Variants in TMEM178B observed in about 807,000 individuals in gnomAD.
The protein encoded by TMEM178B is transmembrane protein 178B.
TMEM178B carries 5 observed loss-of-function variants against 31.0 expected under a neutral mutation model. That is an observed-to-expected ratio of 0.16 (90% CI 0.08 to 0.34). TMEM178B has a LOEUF of 0.34. Among genes scored for constraint, TMEM178B ranks in the 10% least tolerant of loss-of-function variants. The pLI, the probability that TMEM178B is intolerant of heterozygous loss-of-function variation, is 1.00. For synonymous variants in TMEM178B, 164 were observed against 164.0 expected (o/e 1.00, Z 0.00); for missense variants, 275 against 400.3 (o/e 0.69, Z 2.67).
At chr7:141,087,428 GA>G (rs1275588795) in intron 1 of TMEM178B, among the ~76,000 whole-genome samples, 1 of 151,660 alleles carries the variant, frequency 6.6e-6, no homozygotes, top group Non-Finnish European at 1.5e-5. Flanking sequence ...TGCTTGTGGA[GA>G]AAAAAAATCA....
chr7:141,503,837 T>G, the TMEM178B span, among the ~76,000 whole-genome samples: 1 of 152,320 alleles, frequency 6.6e-6, no homozygotes, highest in African/African-American at 2.4e-5. Context: ...GTGGTAAAAT[T>G]ACAGATCTGT....
chr7:141,160,011 A>G (rs1244771082), intron 1 of TMEM178B, among the ~76,000 whole-genome samples: 1 of 146,504 alleles, frequency 6.8e-6, no homozygotes, highest in African/African-American at 2.5e-5. Flanking sequence ...TAATTTTAAT[A>G]TATAATATAT....
chr7:141,397,792 A>G (rs17162202), intron 2 of TMEM178B, among the ~76,000 whole-genome samples: 6,836 of 152,250 alleles, frequency 0.045, 467 homozygotes, highest in African/African-American at 0.15. Flanking sequence ...CCAATTCCTC[A>G]TGTGTAATGA....
intron 2 of TMEM178B, among the ~76,000 whole-genome samples, chr7:141,223,113 A>G (rs1157964856): frequency 6.6e-6 from 1 of 152,184 alleles, no homozygotes. Flanking sequence ...TCCGTTTGCT[A>G]TGATCAGATC....
chr7:141,360,370 G>A (rs1799896832), intron 2 of TMEM178B, among the ~76,000 whole-genome samples: 1 of 152,228 alleles, frequency 6.6e-6, no homozygotes, highest in Admixed American at 6.5e-5. Flanking sequence ...TGCATCAAAG[G>A]ATATTTGTAG....
intron 2 of TMEM178B, among the ~76,000 whole-genome samples, chr7:141,324,144 G>A (rs1233635106): frequency 6.6e-6 from 1 of 152,068 alleles, no homozygotes; most frequent in East Asian, 1.9e-4. Context: ...TAGGCCCTTG[G>A]CTTTTGGAAG....
intron 1 of TMEM178B, among the ~76,000 whole-genome samples, chr7:141,137,710 T>C (rs1183518608): frequency 1.3e-5 from 2 of 152,174 alleles, no homozygotes; most frequent in African/African-American, 2.4e-5. Context: ...AATAATTGTT[T>C]GAGGTGATGG....
At chr7:141,205,500 G>T (rs1224218264) in intron 1 of TMEM178B, among the ~76,000 whole-genome samples, 1 of 152,158 alleles carries the variant, frequency 6.6e-6, no homozygotes. Flanking sequence ...TGCTCTCTAG[G>T]CATCCTCTGT....
At chr7:141,438,693 T>TCCAAA (rs1300542734) in intron 3 of TMEM178B, among the ~76,000 whole-genome samples, 24 of 29,662 alleles carry the variant, frequency 8.1e-4, no homozygotes, top group African/African-American at 2.6e-3. Flanking sequence ...ACCCCGTCTC[T>TCCAAA]ACTAAAAAAA....
chr7:141,441,301 C>T lies in TMEM178B; in HGVS notation c.634+3556C>T, dbSNP rs116736015. ...AGCACCACCCCTCTCAGAACCTGGC[C>T]AGTCCCTGCTCTCTAGGAGTTAATC... is the stretch of plus-strand genomic sequence containing the variant. On this transcript the variant is annotated intron_variant, in intron 3 of 3. Coordinates refer to ENST00000565468, the MANE Select transcript of TMEM178B (RefSeq NM_001195278.2). Among the ~76,000 whole-genome samples, 609 of 152,334 alleles carry T rather than the reference C, an allele frequency of 4.0e-3. 5 individuals are homozygous for T. The highest frequency in any genetic ancestry group is 0.014 in the African/African-American group (584 of 41,568).
intron 1 of TMEM178B, among the ~76,000 whole-genome samples, chr7:141,113,173 G>T (rs1795261851): frequency 6.6e-6 from 1 of 152,190 alleles, no homozygotes; most frequent in Admixed American, 6.5e-5. Context: ...TGGTGGTGGG[G>T]TTAAGTACTC....
intron 2 of TMEM178B, among the ~76,000 whole-genome samples, chr7:141,244,841 A>G (rs1346211578): frequency 2.6e-5 from 4 of 152,074 alleles, no homozygotes; most frequent in African/African-American, 9.7e-5. Flanking sequence ...AAAGGGCACA[A>G]AGAAGGATGC....
At chr7:141,165,518 T>C (rs1261113862) in intron 1 of TMEM178B, among the ~76,000 whole-genome samples, 2 of 152,208 alleles carry the variant, frequency 1.3e-5, no homozygotes, top group South Asian at 4.1e-4. Context: ...AAGGTGGTGA[T>C]TGCCAGGTTT....
intron 2 of TMEM178B, among the ~76,000 whole-genome samples, chr7:141,218,671 C>T (rs1563121508): frequency 6.6e-6 from 1 of 152,072 alleles, no homozygotes; most frequent in Non-Finnish European, 1.5e-5. Flanking sequence ...CTGGACTCTC[C>T]GGTGCCCTCT....
chr7:141,236,104 A>G (rs1015648653), intron 2 of TMEM178B, among the ~76,000 whole-genome samples: 1 of 152,186 alleles, frequency 6.6e-6, no homozygotes, highest in African/African-American at 2.4e-5. Flanking sequence ...ATGTTCTCTG[A>G]GATGCAAACC....
At chr7:141,092,490 G>A (rs1794896873) in intron 1 of TMEM178B, among the ~76,000 whole-genome samples, 1 of 152,078 alleles carries the variant, frequency 6.6e-6, no homozygotes, top group Non-Finnish European at 1.5e-5. Flanking sequence ...TTTTCCAGTG[G>A]GGTAACAATT....
chr7:141,432,144 A>ATTTTTTTTTT (rs1801442390), intron 2 of TMEM178B, among the ~76,000 whole-genome samples: 1 of 86,366 alleles, frequency 1.2e-5, no homozygotes, highest in Non-Finnish European at 2.3e-5. Context: ...CCTTCACTGC[A>ATTTTTTTTTT]TCTTTTTTTT....
intron 2 of TMEM178B, among the ~76,000 whole-genome samples, chr7:141,240,329 ATTTGT>A (rs547206784): frequency 6.6e-6 from 1 of 152,330 alleles, no homozygotes; most frequent in South Asian, 2.1e-4. Context: ...ACCAGATTGA[ATTTGT>A]TTTATGTGCA....
chr7:141,496,851 A>G, the TMEM178B span, among the ~76,000 whole-genome samples: 5 of 152,064 alleles, frequency 3.3e-5, no homozygotes, highest in Admixed American at 2.0e-4. Context: ...TGTTTGACCT[A>G]TATATTTCCC....
Sources: gnomAD v4.1 joint callset for allele counts (sites outside exome capture counted in the v4.1 genomes callset) on GRCh38, gnomAD v4.1.1 for gene constraint, MANE v1.5 for transcripts, NCBI Gene and HGNC (gene_info 2026-07-23, HGNC 2026-07-21) for gene names.